Variants in AMPH observed in about 807,000 individuals in gnomAD.
AMPH encodes amphiphysin.
AMPH carries 49 observed loss-of-function variants against 99.1 expected under a neutral mutation model. The ratio of observed to expected loss-of-function variants is 0.49; its 90% confidence interval spans 0.39 to 0.63. The LOEUF is 0.63. Ranked by LOEUF, AMPH falls within the 20% of genes least tolerant of loss-of-function variation. The probability of loss-of-function intolerance (pLI) is 0.00; values close to 1 mark genes in which losing one functional copy is unlikely to be tolerated. For synonymous variants in AMPH, 314 were observed against 317.3 expected (o/e 0.99, Z 0.11); for missense variants, 759 against 863.4 (o/e 0.88, Z 1.52).
At chr7:38,465,584 A>G (rs1787623103) in intron 8 of AMPH, 35 bp from the exon 9 acceptor site, 3 of 1,542,298 alleles carry the variant, frequency 1.9e-6, no homozygotes, top group Non-Finnish European at 2.6e-6. Flanking sequence ...TATTAGTCAC[A>G]TGTCATTCTG....
chr7:38,474,443 T>C (rs1193180343), intron 7 of AMPH, among the ~76,000 whole-genome samples: 1 of 152,142 alleles, frequency 6.6e-6, no homozygotes, highest in Non-Finnish European at 1.5e-5. Context: ...GAGTGCCTTT[T>C]ATTGGCAAAA....
At chr7:38,595,470 G>A (rs567709129) in intron 1 of AMPH, among the ~76,000 whole-genome samples, 7 of 152,328 alleles carry the variant, frequency 4.6e-5, no homozygotes, top group South Asian at 2.1e-4. Flanking sequence ...AGTGAAGCCC[G>A]AATACAGAGT....
intron 13 of AMPH, among the ~76,000 whole-genome samples, chr7:38,430,795 T>C (rs1237576403): frequency 6.6e-6 from 1 of 152,240 alleles, no homozygotes; most frequent in Non-Finnish European, 1.5e-5. Context: ...TAGACATTTT[T>C]AATCTCTCTT....
intron 5 of AMPH, among the ~76,000 whole-genome samples, chr7:38,480,911 T>G (rs1788261247): frequency 6.6e-6 from 1 of 152,194 alleles, no homozygotes. Flanking sequence ...AAATCTTGAT[T>G]CTCTGAAGAT....
chr7:38,437,950 C>T (rs1016073596), intron 11 of AMPH, among the ~76,000 whole-genome samples: 22 of 152,302 alleles, frequency 1.4e-4, no homozygotes, highest in African/African-American at 5.3e-4. Flanking sequence ...AGCACAGTAA[C>T]TCCCCATATA....
chr7:38,606,249 C>T (rs1318343575), intron 1 of AMPH, among the ~76,000 whole-genome samples: 1 of 152,060 alleles, frequency 6.6e-6, no homozygotes, highest in Admixed American at 6.6e-5. Context: ...CCATTGTAAC[C>T]CTTTTTAAAT....
intron 1 of AMPH, among the ~76,000 whole-genome samples, chr7:38,593,031 T>C (rs528426271): frequency 4.1e-4 from 63 of 152,342 alleles, no homozygotes; most frequent in African/African-American, 1.5e-3. Context: ...CCAATTGTAA[T>C]TGAAATCCAA....
intron 2 of AMPH, among the ~76,000 whole-genome samples, chr7:38,509,427 A>C (rs1789454638): frequency 6.6e-6 from 1 of 152,204 alleles, no homozygotes; most frequent in Non-Finnish European, 1.5e-5. Flanking sequence ...TCAACAAAAC[A>C]AAGTTAGAAA....
Position 38,384,442 on chromosome 7 carries a change from C to G in AMPH, c.*376G>C. 1 of 181,804 alleles carries G rather than the reference C, an allele frequency of 5.5e-6. No homozygotes were observed. The highest frequency in any genetic ancestry group is 1.2e-5 in the Non-Finnish European group (1 of 83,664). The allele number at this position is 181,804 out of a possible 1,614,324, so 11.3% of individuals were successfully genotyped here. On this transcript the variant is annotated 3_prime_UTR_variant, in exon 21 of 21. Transcript: ENST00000356264. ...AGGGGAATAAGATAATCTTGTACTA[C>G]AGGATAATTCATCACATCTTCTGCA...
intron 1 of AMPH, among the ~76,000 whole-genome samples, chr7:38,541,017 TAAAAAAAAA>T (rs60200785): frequency 7.2e-5 from 7 of 97,694 alleles, no homozygotes; most frequent in Non-Finnish European, 1.4e-4. Context: ...TTTCTGTTCT[TAAAAAAAAA>T]AAAAAAAAAA....
intron 14 of AMPH, chr7:38,428,579 G>A (rs1364707473): frequency 2.2e-6 from 1 of 456,626 alleles, no homozygotes; most frequent in Admixed American, 2.3e-5. Context: ...TATCATGGTT[G>A]GGAGTGTCTA....
intron 17 of AMPH, among the ~76,000 whole-genome samples, chr7:38,394,448 G>A (rs941353860): frequency 1.3e-5 from 2 of 152,216 alleles, no homozygotes; most frequent in African/African-American, 4.8e-5. Context: ...GCTGTCAGGT[G>A]TAGCAAATGG....
At chr7:38,585,464 C>T (rs147007576) in intron 1 of AMPH, among the ~76,000 whole-genome samples, 182 of 152,324 alleles carry the variant, frequency 1.2e-3, no homozygotes, top group African/African-American at 4.1e-3. Context: ...TAAGAAGATG[C>T]TGTCATTTGA....
intron 1 of AMPH, among the ~76,000 whole-genome samples, chr7:38,568,225 G>A (rs1198420716): frequency 7.9e-5 from 12 of 152,124 alleles, no homozygotes; most frequent in Admixed American, 7.9e-4. Context: ...GAATCCTTTA[G>A]GAGGCCGAGG....
At chr7:38,611,764 C>T (rs1388585406) in intron 1 of AMPH, among the ~76,000 whole-genome samples, 4 of 152,186 alleles carry the variant, frequency 2.6e-5, no homozygotes, top group Non-Finnish European at 4.4e-5. Flanking sequence ...TTCCTGCTTA[C>T]ATTAGTTCAT....
chr7:38,575,789 C>T (rs1044082835), intron 1 of AMPH, among the ~76,000 whole-genome samples: 4 of 152,178 alleles, frequency 2.6e-5, no homozygotes, highest in Admixed American at 6.5e-5. Flanking sequence ...GATGCTCCTT[C>T]CACTTTGTTC....
chr7:38,397,323 T>A (rs1468634028), intron 17 of AMPH, among the ~76,000 whole-genome samples: 1 of 152,198 alleles, frequency 6.6e-6, no homozygotes, highest in African/African-American at 2.4e-5. Context: ...CACAGGTGAT[T>A]TTTTAAACTT....
chr7:38,519,896 TTAAA>T (rs1333959251), intron 2 of AMPH, among the ~76,000 whole-genome samples: 2 of 152,054 alleles, frequency 1.3e-5, no homozygotes, highest in Non-Finnish European at 2.9e-5. Context: ...CAGTTGTGGA[TTAAA>T]TAAATAAAAT....
chr7:38,481,200 G>C (rs1312643843), intron 5 of AMPH, among the ~76,000 whole-genome samples: 4 of 151,838 alleles, frequency 2.6e-5, no homozygotes, highest in African/African-American at 9.7e-5. Context: ...GGGAAACTTG[G>C]GGGGAAAACC....
Sources: gnomAD v4.1 joint callset for allele counts (sites outside exome capture counted in the v4.1 genomes callset) on GRCh38, gnomAD v4.1.1 for gene constraint, MANE v1.5 for transcripts, NCBI Gene and HGNC (gene_info 2026-07-23, HGNC 2026-07-21) for gene names.